The following DDHD1 variants were observed in gnomAD, a reference collection of about 807,000 sequenced individuals.
DDHD1 encodes the protein DDHD domain containing 1.
A neutral mutation model predicts 96.4 loss-of-function variants in DDHD1; 49 were observed. The observed-to-expected ratio is 0.51, with a 90% CI of 0.40 to 0.64. The LOEUF is 0.64. DDHD1 is among the 30% of genes least tolerant of loss of function. DDHD1 has a pLI of 0.00. For synonymous variants in DDHD1, 442 were observed against 446.5 expected (o/e 0.99, Z 0.13); for missense variants, 1,106 against 1,161.2 (o/e 0.95, Z 0.69).
At chr14:53,108,883 C>T (rs979809483) in intron 1 of DDHD1, among the ~76,000 whole-genome samples, 3 of 152,170 alleles carry the variant, frequency 2.0e-5, no homozygotes, top group African/African-American at 7.2e-5. Context: ...CACTGAGATG[C>T]CCTTTCCCTT....
At chr14:53,136,147 C>T (rs967350351) in intron 1 of DDHD1, among the ~76,000 whole-genome samples, 9 of 152,194 alleles carry the variant, frequency 5.9e-5, no homozygotes, top group Non-Finnish European at 7.3e-5. Context: ...ACCCCCTGCC[C>T]GCAAAACATT....
At position 53,063,014 on chromosome 14, in the gene DDHD1, CTCTTCT is replaced by C; in HGVS notation, c.1689_1694del (p.Glu564_Glu565del). 1.2e-6 allele frequency: 2 copies of C among 1,614,090 alleles called. No individual in the cohort carries two copies. The highest frequency in any genetic ancestry group is 2.2e-5 in the South Asian group (2 of 91,078). ...AGCTCATCCATCGTTCATCAGGCAA[CTCTTCT>C]TCCTTTTGCAGCAACTGTTCATACA... is the stretch of plus-strand genomic sequence containing the variant. On this transcript the variant is annotated inframe_deletion, in exon 7 of 13. Coordinates refer to ENST00000673822, the MANE Select transcript of DDHD1 (RefSeq NM_001160148.2).
intron 8 of DDHD1, 55 bp downstream of exon 8, chr14:53,061,071 G>T: frequency 2.1e-6 from 3 of 1,462,304 alleles, no homozygotes; most frequent in South Asian, 1.2e-5. Context: ...TATTTCACAT[G>T]ACGTTAAAAA....
rs1231789635 is a variant in DDHD1, at chr14:53,072,671, G to A, written c.1429C>T (p.Arg477Ter). ...TVDSITPDKV[R>*]GLRDMLNSSA... The stretch of plus-strand genomic sequence containing the variant: ...CTGTTCAGCATATCCCTTAAACCTC[G>A]TACTTTGTCAGGAGTAATGGAATCA... The change falls in exon 6 of 13, where the codon CGA becomes TGA. Residue 477 changes from arginine (R) to a stop codon, truncating the protein, a stop_gained. Transcript: ENST00000673822. LOFTEE classifies it high-confidence loss of function. The A allele has an allele frequency of 2.5e-6, 4 of 1,609,264 alleles. No individual in the cohort carries two copies. Among genetic ancestry groups the A allele is most frequent in the Non-Finnish European group, 3.4e-6 (4 of 1,177,014 alleles).
At position 53,042,517 on chromosome 14, in the gene DDHD1, C is replaced by T. The variant is rs1202245581; in HGVS notation, c.*4251G>A. On this transcript the variant is annotated 3_prime_UTR_variant, in exon 13 of 13. Coordinates refer to ENST00000673822, the MANE Select transcript of DDHD1 (RefSeq NM_001160148.2). ...CTGTAACAGGGTTGGATTAAATGAT[C>T]TCTAAAAATCTGTACAGACCCGGAA... 1 of 152,144 alleles carries T rather than the reference C, an allele frequency of 6.6e-6. No homozygotes were observed. The highest frequency in any genetic ancestry group is 1.9e-4 in the East Asian group (1 of 5,194). The allele number at this position is 152,144 out of a possible 1,614,324, so 9.4% of individuals were successfully genotyped here.
rs1566500234 is a variant in DDHD1, at chr14:53,039,775, G to C, written c.*6993C>G. 1 of 152,286 alleles carries C rather than the reference G, an allele frequency of 6.6e-6. No individual in the cohort carries two copies. Among genetic ancestry groups the C allele is most frequent in the East Asian group, 1.9e-4 (1 of 5,180 alleles). 9.4% of individuals were successfully genotyped at this position (152,286 alleles called of 1,614,324 possible). On this transcript the variant is annotated 3_prime_UTR_variant, in exon 13 of 13. Coordinates refer to ENST00000673822, the MANE Select transcript of DDHD1 (RefSeq NM_001160148.2). ...CTGTGGGGAGCCTTGAGTGACAGAT[G>C]GCATCATCAAAGGGCTTTGGTTGTC... is the stretch of plus-strand genomic sequence containing the variant.
chr14:53,120,509 A>G (rs1397285128), intron 1 of DDHD1, among the ~76,000 whole-genome samples: 2 of 152,184 alleles, frequency 1.3e-5, no homozygotes, highest in Non-Finnish European at 2.9e-5. Flanking sequence ...TAAGCAAAAG[A>G]ACAAATCTGG....
chr14:53,109,423 A>G (rs143259893), intron 1 of DDHD1, among the ~76,000 whole-genome samples: 1 of 150,342 alleles, frequency 6.7e-6, no homozygotes, highest in African/African-American at 2.4e-5. Context: ...CAGTCTCTTA[A>G]GCCTTTCCTT....
intron 6 of DDHD1, among the ~76,000 whole-genome samples, chr14:53,066,664 T>C (rs1884045062): frequency 6.6e-6 from 1 of 152,134 alleles, no homozygotes; most frequent in African/African-American, 2.4e-5. Context: ...AATCAACTTT[T>C]CTTTTTTAAA....
chr14:53,057,068 C>T (rs1161715042), intron 9 of DDHD1, among the ~76,000 whole-genome samples: 1 of 152,066 alleles, frequency 6.6e-6, no homozygotes, highest in Non-Finnish European at 1.5e-5. Flanking sequence ...ATAACTTGCC[C>T]AGGATTGTGC....
At chr14:53,133,151 C>T (rs1022762074) in intron 1 of DDHD1, among the ~76,000 whole-genome samples, 5 of 152,226 alleles carry the variant, frequency 3.3e-5, no homozygotes, top group Non-Finnish European at 5.9e-5. Context: ...GTTCCATCCA[C>T]TATTCTACTA....
intron 1 of DDHD1, among the ~76,000 whole-genome samples, chr14:53,133,542 T>C (rs965447916): frequency 6.6e-6 from 1 of 152,180 alleles, no homozygotes; most frequent in Non-Finnish European, 1.5e-5. Flanking sequence ...TAATGGTCTT[T>C]TAAAGACACA....
intron 4 of DDHD1, among the ~76,000 whole-genome samples, chr14:53,087,317 G>C (rs1265068766): frequency 6.6e-6 from 1 of 151,894 alleles, no homozygotes; most frequent in Non-Finnish European, 1.5e-5. Flanking sequence ...AGACCTAATA[G>C]ACATCTGCAG....
intron 1 of DDHD1, among the ~76,000 whole-genome samples, chr14:53,138,920 G>A (rs1890434099): frequency 1.3e-5 from 2 of 152,072 alleles, no homozygotes; most frequent in South Asian, 4.1e-4. Context: ...TTGGGAGAGG[G>A]GAACAGTGGC....
chr14:53,077,627 C>T (rs1486308517), intron 4 of DDHD1, among the ~76,000 whole-genome samples: 2 of 150,372 alleles, frequency 1.3e-5, no homozygotes, highest in African/African-American at 4.9e-5. Flanking sequence ...CTGTGAATCT[C>T]TCCAAGTTGC....
Position 53,042,486 on chromosome 14 carries a change from A to G in DDHD1, c.*4282T>C, listed in dbSNP as rs1881725935. Reference sequence around the variant, plus strand: ...CCTTTACTGCTATTTAAATGCTGACATGATACTGTAACAGGGTTGGATTAA... The same window carrying G: ...CCTTTACTGCTATTTAAATGCTGACGTGATACTGTAACAGGGTTGGATTAA... On this transcript the variant is annotated 3_prime_UTR_variant, in exon 13 of 13. Coordinates refer to ENST00000673822, the MANE Select transcript of DDHD1 (RefSeq NM_001160148.2). The G allele has an allele frequency of 6.6e-6, 1 of 152,176 alleles. No homozygotes were observed. Among genetic ancestry groups the G allele is most frequent in the Non-Finnish European group, 1.5e-5 (1 of 68,032 alleles). 9.4% of individuals were successfully genotyped at this position (152,176 alleles called of 1,614,324 possible).
At position 53,040,343 on chromosome 14, in the gene DDHD1, C is replaced by T. The variant is rs1881564697; in HGVS notation, c.*6425G>A. On this transcript the variant is annotated 3_prime_UTR_variant, in exon 13 of 13. Transcript: ENST00000673822. The stretch of plus-strand genomic sequence containing the variant: ...GTAGAACGGAATGTGGCAGCCACAG[C>T]TGATGCATAGGGAGATCTTTCAATT... 6.6e-6 allele frequency: 1 copy of T among 152,146 alleles called. No homozygotes were observed. The highest frequency in any genetic ancestry group is 2.4e-5 in the African/African-American group (1 of 41,432). The allele number at this position is 152,146 out of a possible 1,614,324, so 9.4% of individuals were successfully genotyped here.
chr14:53,041,815 C>A lies in DDHD1; in HGVS notation c.*4953G>T, dbSNP rs922285930. ...GGGACCAACTGCTAACTCAAGCCTA[C>A]GGCCATGTGTCAGATTAAAGCTTGC... On this transcript the variant is annotated 3_prime_UTR_variant, in exon 13 of 13. Coordinates refer to ENST00000673822, the MANE Select transcript of DDHD1 (RefSeq NM_001160148.2). 1 of 152,034 alleles carries A rather than the reference C, an allele frequency of 6.6e-6. No homozygotes were observed. The highest frequency in any genetic ancestry group is 1.5e-5 in the Non-Finnish European group (1 of 68,020). The allele number at this position is 152,034 out of a possible 1,614,324, so 9.4% of individuals were successfully genotyped here.
At chr14:53,086,823 G>A (rs1373898282) in intron 4 of DDHD1, among the ~76,000 whole-genome samples, 2 of 151,948 alleles carry the variant, frequency 1.3e-5, no homozygotes, top group Non-Finnish European at 2.9e-5. Flanking sequence ...ACTGTAAATG[G>A]GCTAAATGTC....
Sources: allele counts gnomAD v4.1 joint callset (sites outside exome capture counted in the v4.1 genomes callset), GRCh38; gene constraint gnomAD v4.1.1; transcripts MANE v1.5; gene names NCBI Gene and HGNC (gene_info 2026-07-23, HGNC 2026-07-21).